The following ELMO1 variants were observed in gnomAD, a reference collection of about 807,000 sequenced individuals.
ELMO1 encodes engulfment and cell motility 1.
ELMO1 carries 26 observed loss-of-function variants against 98.9 expected under a neutral mutation model. The ratio of observed to expected loss-of-function variants is 0.26; its 90% confidence interval spans 0.19 to 0.36. The LOEUF is 0.36. ELMO1 is among the 10% of genes least tolerant of loss of function. ELMO1 has a pLI of 1.00. For missense variants in ELMO1, 627 were observed against 935.2 expected (o/e 0.67, Z 4.30); for synonymous variants, 346 against 346.0 (o/e 1.00, Z 0.00).
intron 15 of ELMO1, among the ~76,000 whole-genome samples, chr7:37,048,940 A>C (rs1384212819): frequency 6.6e-6 from 1 of 152,194 alleles, no homozygotes; most frequent in African/African-American, 2.4e-5. Flanking sequence ...ATGAAAACAG[A>C]ATGGAAATGG....
intron 4 of ELMO1, among the ~76,000 whole-genome samples, chr7:37,284,635 C>T (rs1797300189): frequency 6.6e-6 from 1 of 152,190 alleles, no homozygotes; most frequent in Non-Finnish European, 1.5e-5. Flanking sequence ...CCATATACAA[C>T]AACTAGGAGA....
chr7:36,965,323 T>C (rs1183005307), intron 16 of ELMO1, among the ~76,000 whole-genome samples: 1 of 152,204 alleles, frequency 6.6e-6, no homozygotes, highest in Non-Finnish European at 1.5e-5. Flanking sequence ...GCCTGGCTTA[T>C]CATAGGCACC....
At chr7:37,312,781 C>T (rs982725584) in intron 4 of ELMO1, among the ~76,000 whole-genome samples, 2 of 152,176 alleles carry the variant, frequency 1.3e-5, no homozygotes, top group African/African-American at 2.4e-5. Context: ...GAACTATTCA[C>T]GACTCAACAG....
chr7:37,328,488 A>G (rs1265829540), intron 2 of ELMO1, among the ~76,000 whole-genome samples: 1 of 151,424 alleles, frequency 6.6e-6, no homozygotes, highest in Non-Finnish European at 1.5e-5. Context: ...CAATTCCACA[A>G]TCCTTACCCT....
At chr7:37,191,188 C>CAAAA (rs70975003) in intron 13 of ELMO1, among the ~76,000 whole-genome samples, 3 of 94,004 alleles carry the variant, frequency 3.2e-5, no homozygotes, top group East Asian at 5.7e-4. Context: ...GACTCTGTCT[C>CAAAA]AAAAAAAAAA....
chr7:37,396,992 A>T (rs1437056080), intron 1 of ELMO1, among the ~76,000 whole-genome samples: 1 of 152,180 alleles, frequency 6.6e-6, no homozygotes, highest in East Asian at 1.9e-4. Context: ...GTTATAAAGG[A>T]CTACCTGTCT....
chr7:37,214,680 G>C (rs1459720047), intron 11 of ELMO1, among the ~76,000 whole-genome samples: 7 of 152,310 alleles, frequency 4.6e-5, no homozygotes, highest in African/African-American at 1.7e-4. Context: ...ATAACGGATG[G>C]TTAGGAGCAA....
chr7:36,961,636 T>C lies in ELMO1; in HGVS notation c.1437+51663A>G, dbSNP rs76799506. 4.3e-3 allele frequency among the ~76,000 whole-genome samples: 649 copies of C among 152,368 alleles called. 11 individuals carry two copies. Among genetic ancestry groups the C allele is most frequent in the African/African-American group, 0.015 (619 of 41,592 alleles). On this transcript the variant is annotated intron_variant, in intron 16 of 21. Transcript: ENST00000310758. ...AACATCTAACTGCTCAAAAATCTTTTTCTTTTTCTTAATGGTTTGATATTT... is the reference window on the plus strand; with the variant it reads ...AACATCTAACTGCTCAAAAATCTTTCTCTTTTTCTTAATGGTTTGATATTT...
chr7:36,947,816 C>A (rs1712602820), intron 16 of ELMO1, among the ~76,000 whole-genome samples: 3 of 152,148 alleles, frequency 2.0e-5, no homozygotes, highest in Admixed American at 2.0e-4. Flanking sequence ...AGAGGCCACT[C>A]CCTCTGCCTG....
chr7:36,981,816 A>G (rs1325528325), intron 16 of ELMO1, among the ~76,000 whole-genome samples: 1 of 152,254 alleles, frequency 6.6e-6, no homozygotes, highest in African/African-American at 2.4e-5. Flanking sequence ...GTTCACCATG[A>G]GCAACGGTGA....
intron 10 of ELMO1, among the ~76,000 whole-genome samples, chr7:37,219,938 T>A (rs1793502110): frequency 6.6e-6 from 1 of 152,258 alleles, no homozygotes; most frequent in Non-Finnish European, 1.5e-5. Flanking sequence ...TCAGAACTTT[T>A]AATTTTTCAG....
intron 4 of ELMO1, among the ~76,000 whole-genome samples, chr7:37,274,707 C>T (rs1304634053): frequency 6.6e-6 from 1 of 152,160 alleles, no homozygotes; most frequent in Non-Finnish European, 1.5e-5. Context: ...AGCCTGTCAC[C>T]AAGCCCGGCT....
intron 19 of ELMO1, among the ~76,000 whole-genome samples, chr7:36,873,636 T>G (rs745799236): frequency 6.6e-6 from 1 of 152,236 alleles, no homozygotes; most frequent in Middle Eastern, 3.2e-3. Flanking sequence ...GTTTAGTGCT[T>G]CTTCTTCCAC....
chr7:36,863,323 A>G (rs1802781402), intron 20 of ELMO1, among the ~76,000 whole-genome samples: 1 of 152,242 alleles, frequency 6.6e-6, no homozygotes, highest in Non-Finnish European at 1.5e-5. Flanking sequence ...CAAACAAACA[A>G]AAACAATTTG....
chr7:36,933,119 G>T (rs1037429755), intron 16 of ELMO1, among the ~76,000 whole-genome samples: 1 of 152,168 alleles, frequency 6.6e-6, no homozygotes, highest in Non-Finnish European at 1.5e-5. Flanking sequence ...GCTCAAAGCA[G>T]CTCAGAGCAC....
intron 13 of ELMO1, among the ~76,000 whole-genome samples, chr7:37,192,241 A>C (rs1049309201): frequency 2.6e-5 from 4 of 152,170 alleles, no homozygotes; most frequent in Admixed American, 6.5e-5. Context: ...TCATGGCTGT[A>C]ATCCCAGCAC....
chr7:36,937,624 A>G (rs981316336), intron 16 of ELMO1, among the ~76,000 whole-genome samples: 1 of 152,242 alleles, frequency 6.6e-6, no homozygotes. Flanking sequence ...ATCAAGTGTA[A>G]ACCAGACATT....
chr7:37,321,857 C>CTTTTT (rs869082330), intron 2 of ELMO1, among the ~76,000 whole-genome samples: 1 of 137,454 alleles, frequency 7.3e-6, no homozygotes, highest in Non-Finnish European at 1.6e-5. Context: ...AAGTAACTCC[C>CTTTTT]TTTTTTTTTT....
chr7:37,445,167 C>T (rs113109197), intron 1 of ELMO1, among the ~76,000 whole-genome samples: 43 of 152,264 alleles, frequency 2.8e-4, no homozygotes, highest in African/African-American at 8.7e-4. Context: ...TATCATGATC[C>T]GCTCATGGGT....
Sources: allele counts gnomAD v4.1 joint callset (sites outside exome capture counted in the v4.1 genomes callset), GRCh38; gene constraint gnomAD v4.1.1; transcripts MANE v1.5; gene names NCBI Gene and HGNC (gene_info 2026-07-23, HGNC 2026-07-21).